TAS2R1: variants seen among roughly 807,000 people sequenced by gnomAD.
TAS2R1 encodes the protein taste 2 receptor member 1, also known as taste receptor type 2 member 1.
For synonymous variants in TAS2R1, 141 were observed against 134.2 expected, an observed-to-expected ratio of 1.05 and a Z score of -0.35; for missense variants, 370 against 353.4, an observed-to-expected ratio of 1.05 and a Z score of -0.38.
At chr5:9,639,283 A>G (rs1740027101) in intron 2 of TAS2R1, among the ~76,000 whole-genome samples, 1 of 152,152 alleles carries the variant, frequency 6.6e-6, no homozygotes, top group Admixed American at 6.5e-5. Context: ...GGAGACTGGG[A>G]GTGCATGCAA....
At chr5:9,709,215 C>A (rs1168192545) in intron 1 of TAS2R1, among the ~76,000 whole-genome samples, 19 of 151,156 alleles carry the variant, frequency 1.3e-4, no homozygotes, top group Non-Finnish European at 7.4e-5. Context: ...GAAAAGAAAA[C>A]CCTTTCCAGA....
chr5:9,877,586 T>G, the TAS2R1 span, among the ~76,000 whole-genome samples: 1 of 152,258 alleles, frequency 6.6e-6, no homozygotes, highest in Non-Finnish European at 1.5e-5. Context: ...TCAATTGTAG[T>G]AACATACTGT....
At chr5:9,860,757 C>A in the TAS2R1 span, among the ~76,000 whole-genome samples, 4 of 152,214 alleles carry the variant, frequency 2.6e-5, no homozygotes, top group Non-Finnish European at 5.9e-5. Flanking sequence ...AAGTTACCCA[C>A]TGGAGAGCTC....
At chr5:9,689,801 T>G (rs1368394610) in intron 1 of TAS2R1, among the ~76,000 whole-genome samples, 1 of 152,222 alleles carries the variant, frequency 6.6e-6, no homozygotes. Flanking sequence ...TAAATCTTAT[T>G]CAAATAAAAT....
chr5:9,782,897 A>G, the TAS2R1 span, among the ~76,000 whole-genome samples: 3 of 152,192 alleles, frequency 2.0e-5, no homozygotes, highest in African/African-American at 7.2e-5. Context: ...AAAACCCAGG[A>G]AAACCTCTCA....
At position 9,628,214 on chromosome 5, in the gene TAS2R1, T is replaced by C. The variant is rs1369184091; in HGVS notation, c.*919A>G. Among the ~76,000 whole-genome samples, 1 of 151,936 alleles carries C rather than the reference T, an allele frequency of 6.6e-6. No individual in the cohort carries two copies. The highest frequency in any genetic ancestry group is 1.5e-5 in the Non-Finnish European group (1 of 68,022). ...AAATCTCAACCAAACAGAAAATGCA[T>C]TTGTGACTTGAAGCAGACGGAGACA... On this transcript the variant is annotated 3_prime_UTR_variant, in exon 1 of 1. Transcript: ENST00000382492.
At chr5:9,827,590 G>T in the TAS2R1 span, among the ~76,000 whole-genome samples, 1 of 109,230 alleles carries the variant, frequency 9.2e-6, no homozygotes, top group African/African-American at 4.3e-5. Context: ...ACCCGGGTGT[G>T]GTGGCATGCA....
At chr5:9,759,832 A>C in the TAS2R1 span, among the ~76,000 whole-genome samples, 1 of 152,212 alleles carries the variant, frequency 6.6e-6, no homozygotes, top group African/African-American at 2.4e-5. Context: ...CTGTGAACCA[A>C]TGTGTAGATT....
chr5:9,706,471 G>A (rs1171276653), intron 1 of TAS2R1, among the ~76,000 whole-genome samples: 1 of 152,246 alleles, frequency 6.6e-6, no homozygotes. Context: ...GGTTCCAGGT[G>A]CTCTGTCCTA....
At chr5:9,636,318 A>T (rs1739963853) in intron 2 of TAS2R1, among the ~76,000 whole-genome samples, 2 of 151,854 alleles carry the variant, frequency 1.3e-5, no homozygotes, top group South Asian at 4.1e-4. Flanking sequence ...TATAATTTTG[A>T]TTTTCTTAAA....
the TAS2R1 span, among the ~76,000 whole-genome samples, chr5:9,771,816 C>T: frequency 6.6e-6 from 1 of 152,038 alleles, no homozygotes; most frequent in African/African-American, 2.4e-5. Context: ...ACAGTAGCCT[C>T]TAATGATCAC....
chr5:9,771,132 T>A, the TAS2R1 span, among the ~76,000 whole-genome samples: 1 of 152,232 alleles, frequency 6.6e-6, no homozygotes, highest in Non-Finnish European at 1.5e-5. Context: ...AAACTGTTTT[T>A]TCAGCATCAG....
the TAS2R1 span, chr5:9,903,639 A>G: frequency 6.6e-6 from 1 of 152,222 alleles, no homozygotes; most frequent in East Asian, 1.9e-4. Flanking sequence ...CAGACCTACC[A>G]GGCTCTGGGC....
chr5:9,701,564 A>G (rs140232710), intron 1 of TAS2R1, among the ~76,000 whole-genome samples: 185 of 152,364 alleles, frequency 1.2e-3, no homozygotes, highest in Non-Finnish European at 2.1e-3. Flanking sequence ...AGCAAGAACC[A>G]CCATCAATAG....
At chr5:9,647,521 C>T (rs140145859) in intron 2 of TAS2R1, among the ~76,000 whole-genome samples, 1 of 152,210 alleles carries the variant, frequency 6.6e-6, no homozygotes, top group Non-Finnish European at 1.5e-5. Context: ...TGCACCTCCT[C>T]CTCAAAATGT....
the TAS2R1 span, among the ~76,000 whole-genome samples, chr5:9,898,473 G>A: frequency 1.3e-5 from 2 of 152,176 alleles, no homozygotes; most frequent in African/African-American, 4.8e-5. Context: ...CTGGCCTCTA[G>A]TTATGAGAAA....
At chr5:9,831,074 A>G in the TAS2R1 span, among the ~76,000 whole-genome samples, 1 of 152,338 alleles carries the variant, frequency 6.6e-6, no homozygotes, top group South Asian at 2.1e-4. Flanking sequence ...AAGTTTATGA[A>G]GAGACATTTA....
At chr5:9,694,813 G>C (rs1037655535) in intron 1 of TAS2R1, among the ~76,000 whole-genome samples, 25 of 152,034 alleles carry the variant, frequency 1.6e-4, no homozygotes, top group African/African-American at 4.3e-4. Context: ...ATATCCCATG[G>C]GGGTCATTGC....
the TAS2R1 span, among the ~76,000 whole-genome samples, chr5:9,783,342 T>A: frequency 6.6e-6 from 1 of 152,222 alleles, no homozygotes; most frequent in South Asian, 2.1e-4. Context: ...GCCCTTGAAA[T>A]GGGAGAAGCT....
Sources: gnomAD v4.1 joint callset for allele counts (sites outside exome capture counted in the v4.1 genomes callset) on GRCh38, gnomAD v4.1.1 for gene constraint, MANE v1.5 for transcripts, NCBI Gene and HGNC (gene_info 2026-07-23, HGNC 2026-07-21) for gene names.